CDK12: variants seen among roughly 807,000 people sequenced by gnomAD.
The protein encoded by CDK12 is cyclin-dependent kinase 12.
Under a neutral mutation model 133.8 loss-of-function variants are expected in CDK12, and 17 were observed. The ratio of observed to expected loss-of-function variants is 0.13; its 90% CI spans 0.09 to 0.19. The LOEUF (loss-of-function observed/expected upper bound fraction) is 0.19, where lower values mean the gene tolerates loss of function less well. Ranked by LOEUF, CDK12 falls within the 10% of genes least tolerant of loss-of-function variation. The pLI, the probability that CDK12 is intolerant of heterozygous loss-of-function variation, is 1.00. For missense variants in CDK12, 1,508 were observed against 1,818.7 expected, an observed-to-expected ratio of 0.83 and a Z score of 3.11; for synonymous variants, 694 against 683.6, an observed-to-expected ratio of 1.02 and a Z score of -0.24.
intron 2 of CDK12, among the ~76,000 whole-genome samples, chr17:39,487,953 A>G (rs1378581783): frequency 5.9e-5 from 9 of 152,016 alleles, no homozygotes; most frequent in Non-Finnish European, 1.3e-4. Flanking sequence ...TAATAAATTG[A>G]GATAGGCAAA....
chr17:39,515,775 C>G lies in CDK12; in HGVS notation c.2813C>G (p.Ala938Gly), dbSNP rs1267356033. 6.2e-7 allele frequency: 1 copy of G among 1,613,598 alleles called. No individual in the cohort carries two copies. The highest frequency in any genetic ancestry group is 1.1e-5 in the South Asian group (1 of 91,042). The stretch of plus-strand genomic sequence containing the variant: ...TTCACAAAGAAGCCTATTTTTCAAG[C>G]CAATCTGGAACTGGCTCAGCTAGAA... ...ELFTKKPIFQANLELAQLELI... is the reference protein window; with the variant it reads ...ELFTKKPIFQGNLELAQLELI... Residue 938 changes from alanine to glycine, a missense_variant, in exon 9 of 14, where the codon GCC becomes GGC. Coordinates refer to ENST00000447079, the MANE Select transcript of CDK12 (RefSeq NM_016507.4).
chr17:39,563,856 T>C (rs983796082), intron 3 of CDK12, among the ~76,000 whole-genome samples: 3 of 152,288 alleles, frequency 2.0e-5, no homozygotes, highest in Admixed American at 6.5e-5. Context: ...ACTCTGCTTG[T>C]GGTCATATTA....
downstream of CDK12, among the ~76,000 whole-genome samples, chr17:39,537,729 A>G (rs2055204643): frequency 6.6e-6 from 1 of 151,520 alleles, no homozygotes; most frequent in South Asian, 2.1e-4. Flanking sequence ...TGCCCAGCTA[A>G]TTTTTTGTAT....
chr17:39,541,428 C>T (rs1025884752), intron 1 of CDK12, among the ~76,000 whole-genome samples: 25 of 146,688 alleles, frequency 1.7e-4, no homozygotes, highest in Non-Finnish European at 3.2e-4. Context: ...AGTGCAGTGG[C>T]GCGATCTCGG....
intron 11 of CDK12, among the ~76,000 whole-genome samples, chr17:39,524,251 A>C (rs1004780031): frequency 6.6e-6 from 1 of 152,188 alleles, no homozygotes; most frequent in Non-Finnish European, 1.5e-5. Context: ...ATCATGATAC[A>C]TGGTTCCATG....
downstream of CDK12, chr17:39,534,575 A>G (rs889731927): frequency 9.2e-5 from 21 of 228,864 alleles, no homozygotes; most frequent in Admixed American, 2.8e-4. Flanking sequence ...TTACTTCTTA[A>G]TCTGTACCCC....
At chr17:39,527,434 G>A (rs1017774098) in intron 13 of CDK12, among the ~76,000 whole-genome samples, 1 of 152,244 alleles carries the variant, frequency 6.6e-6, no homozygotes, top group African/African-American at 2.4e-5. Context: ...AGGGCAGACT[G>A]TATAAACCAG....
intron 3 of CDK12, among the ~76,000 whole-genome samples, chr17:39,562,974 C>CT (rs1567827154): frequency 7.2e-6 from 1 of 138,790 alleles, no homozygotes; most frequent in Non-Finnish European, 1.5e-5. Flanking sequence ...TGACTAATGG[C>CT]TAGAGCATGT....
intron 8 of CDK12, among the ~76,000 whole-genome samples, chr17:39,513,798 A>G (rs2053631520): frequency 6.6e-6 from 1 of 152,222 alleles, no homozygotes; most frequent in Non-Finnish European, 1.5e-5. Flanking sequence ...TGAACTTACT[A>G]CTTTGGTGAT....
In CDK12 at chr17:39,489,794, AT is replaced by A. The variant is rs375969591; in HGVS notation, c.1932-745del. On this transcript the variant is annotated intron_variant, in intron 2 of 13. Transcript: ENST00000447079. ...GGCTTGAGCCACCGTGCCTGGCCTA[AT>A]TTTTTTTTTTTTTTTTTAATTTTTT... Among the ~76,000 whole-genome samples, 546 of 126,050 alleles carry A rather than the reference AT, an allele frequency of 4.3e-3. 2 individuals carry two copies. Among genetic ancestry groups the A allele is most frequent in the African/African-American group, 0.013 (444 of 33,764 alleles). The allele number at this position is 126,050 out of a possible 152,430, so 82.7% of individuals were successfully genotyped here.
At chr17:39,508,282 G>A (rs1238364392) in intron 6 of CDK12, among the ~76,000 whole-genome samples, 1 of 151,878 alleles carries the variant, frequency 6.6e-6, no homozygotes, top group Non-Finnish European at 1.5e-5. Context: ...TTTTTTGCCT[G>A]ATCTGAACTA....
intron 2 of CDK12, among the ~76,000 whole-genome samples, chr17:39,475,574 G>T (rs1328535238): frequency 6.8e-6 from 1 of 146,946 alleles, no homozygotes; most frequent in African/African-American, 2.5e-5. Context: ...TTGAGACGGT[G>T]TCTCACACTG....
chr17:39,516,477 C>T (rs1053204181), intron 9 of CDK12, among the ~76,000 whole-genome samples: 2 of 150,126 alleles, frequency 1.3e-5, no homozygotes, highest in African/African-American at 2.5e-5. Flanking sequence ...CCACCTTACC[C>T]TCCTGAGTAG....
intron 2 of CDK12, among the ~76,000 whole-genome samples, chr17:39,487,821 G>T (rs2051262171): frequency 6.6e-6 from 1 of 151,812 alleles, no homozygotes; most frequent in Admixed American, 6.6e-5. Context: ...CACCATGTTG[G>T]CCAGGTTGGT....
At chr17:39,473,511 G>C (rs2049955875) in intron 2 of CDK12, among the ~76,000 whole-genome samples, 1 of 152,130 alleles carries the variant, frequency 6.6e-6, no homozygotes, top group Non-Finnish European at 1.5e-5. Context: ...GAAAGCCGAG[G>C]TAGATAAGAT....
At chr17:39,516,364 A>ATT (rs796443700) in intron 9 of CDK12, among the ~76,000 whole-genome samples, 2 of 145,738 alleles carry the variant, frequency 1.4e-5, no homozygotes, top group East Asian at 4.0e-4. Flanking sequence ...TGTTTTTTGT[A>ATT]TTTTTTTTTT....
At chr17:39,468,957 T>C (rs2049571104) in intron 1 of CDK12, among the ~76,000 whole-genome samples, 1 of 152,158 alleles carries the variant, frequency 6.6e-6, no homozygotes, top group Non-Finnish European at 1.5e-5. Flanking sequence ...GCCTCCCAAG[T>C]AGCTGGGAAT....
chr17:39,562,641 G>A (rs2056413746), intron 3 of CDK12, among the ~76,000 whole-genome samples: 1 of 152,102 alleles, frequency 6.6e-6, no homozygotes, highest in Non-Finnish European at 1.5e-5. Context: ...CACAACTACA[G>A]TTAATTGGCT....
At chr17:39,492,334 G>A (rs1235714067) in intron 3 of CDK12, among the ~76,000 whole-genome samples, 4 of 150,498 alleles carry the variant, frequency 2.7e-5, no homozygotes, top group Non-Finnish European at 5.9e-5. Context: ...CTGACCTCGT[G>A]ATCCACCTGC....
Sources: allele counts gnomAD v4.1 joint callset (sites outside exome capture counted in the v4.1 genomes callset), GRCh38; gene constraint gnomAD v4.1.1; transcripts MANE v1.5; gene names NCBI Gene and HGNC (gene_info 2026-07-23, HGNC 2026-07-21).